Variants in GABRB3 observed in about 807,000 individuals in gnomAD.
GABRB3 encodes the protein gamma-aminobutyric acid type A receptor subunit beta3.
Under a neutral mutation model 52.1 loss-of-function variants are expected in GABRB3, and 14 were observed. The ratio of observed to expected loss-of-function variants is 0.27; its 90% CI spans 0.18 to 0.42. The LOEUF is 0.42. Ranked by LOEUF, GABRB3 falls within the 10% of genes least tolerant of loss-of-function variation. The pLI, the probability that GABRB3 is intolerant of heterozygous loss-of-function variation, is 1.00. For missense variants in GABRB3, 307 were observed against 609.1 expected, an observed-to-expected ratio of 0.50 and a Z score of 5.22; for synonymous variants, 260 against 232.3, an observed-to-expected ratio of 1.12 and a Z score of -1.08.
At chr15:26,555,974 T>TA (rs1486474465) in intron 8 of GABRB3, among the ~76,000 whole-genome samples, 2 of 152,298 alleles carry the variant, frequency 1.3e-5, no homozygotes, top group East Asian at 3.9e-4. Flanking sequence ...CCAAATAACT[T>TA]AAACAGATAT....
intron 3 of GABRB3, among the ~76,000 whole-genome samples, chr15:26,681,895 A>G (rs1052017180): frequency 3.9e-5 from 6 of 152,060 alleles, no homozygotes; most frequent in African/African-American, 1.2e-4. Flanking sequence ...TCACTTGAGG[A>G]TGCAGTGAGC....
chr15:26,596,268 C>T (rs73368330), intron 4 of GABRB3, among the ~76,000 whole-genome samples: 4,051 of 151,938 alleles, frequency 0.027, 200 homozygotes, highest in African/African-American at 0.091. Flanking sequence ...TTTCTTGATA[C>T]GAACAAACAG....
At chr15:26,578,742 G>A (rs574298688) in intron 6 of GABRB3, among the ~76,000 whole-genome samples, 39 of 152,384 alleles carry the variant, frequency 2.6e-4, no homozygotes, top group Middle Eastern at 3.4e-3. Context: ...TTACTCCACA[G>A]TGAGTGTGCT....
intron 7 of GABRB3, among the ~76,000 whole-genome samples, chr15:26,566,464 G>A (rs989589751): frequency 2.8e-4 from 43 of 152,258 alleles, no homozygotes; most frequent in African/African-American, 7.7e-4. Context: ...GGTGGCTCAC[G>A]CATATACTCC....
chr15:26,654,666 TAAGAG>T (rs1887310404), intron 3 of GABRB3, among the ~76,000 whole-genome samples: 1 of 152,052 alleles, frequency 6.6e-6, no homozygotes, highest in Non-Finnish European at 1.5e-5. Context: ...TAGGCTGACT[TAAGAG>T]AAGCATGTGA....
At chr15:26,726,403 A>G (rs997409582) in intron 3 of GABRB3, among the ~76,000 whole-genome samples, 1 of 152,308 alleles carries the variant, frequency 6.6e-6, no homozygotes, top group East Asian at 1.9e-4. Context: ...TAACTAATTC[A>G]CAAGTCTTAT....
intron 4 of GABRB3, among the ~76,000 whole-genome samples, chr15:26,588,699 C>T (rs1891084441): frequency 6.6e-6 from 1 of 152,074 alleles, no homozygotes; most frequent in Non-Finnish European, 1.5e-5. Context: ...ATATTATAGG[C>T]ATATATATAC....
At chr15:26,767,774 C>T (rs752713373) in intron 3 of GABRB3, among the ~76,000 whole-genome samples, 3 of 152,172 alleles carry the variant, frequency 2.0e-5, no homozygotes, top group Non-Finnish European at 4.4e-5. Context: ...TAAATTTAGT[C>T]AAAAGATGTC....
chr15:26,729,244 CTG>C, intron 3 of GABRB3, among the ~76,000 whole-genome samples: 1 of 152,206 alleles, frequency 6.6e-6, no homozygotes, highest in East Asian at 1.9e-4. Context: ...CTGGAGAACA[CTG>C]AGCAACACTG....
intron 3 of GABRB3, among the ~76,000 whole-genome samples, chr15:26,660,232 A>G (rs1184293068): frequency 1.5e-5 from 2 of 134,406 alleles, no homozygotes; most frequent in Admixed American, 1.4e-4. Flanking sequence ...TCCATCTCGG[A>G]AAAAAAAAAA....
At chr15:26,643,237 C>T (rs1375925321) in intron 3 of GABRB3, among the ~76,000 whole-genome samples, 1 of 152,248 alleles carries the variant, frequency 6.6e-6, no homozygotes, top group African/African-American at 2.4e-5. Flanking sequence ...GTCTCCTGCA[C>T]TGCCCCGTGC....
At chr15:26,605,082 A>T (rs571928672) in intron 4 of GABRB3, among the ~76,000 whole-genome samples, 1 of 152,192 alleles carries the variant, frequency 6.6e-6, no homozygotes, top group East Asian at 1.9e-4. Context: ...ACAAAGTGTC[A>T]TTAATTAAAA....
chr15:26,699,234 T>C (rs1009492451), intron 3 of GABRB3, among the ~76,000 whole-genome samples: 2 of 152,176 alleles, frequency 1.3e-5, no homozygotes, highest in African/African-American at 4.8e-5. Flanking sequence ...CTTGCCTCAG[T>C]AATAGTAATG....
chr15:26,647,238 A>G (rs929631954), intron 3 of GABRB3, among the ~76,000 whole-genome samples: 1 of 152,240 alleles, frequency 6.6e-6, no homozygotes, highest in Non-Finnish European at 1.5e-5. Context: ...AGTTATTTAC[A>G]TAGTCTGAAT....
chr15:26,652,516 C>T (rs1358664832), intron 3 of GABRB3, among the ~76,000 whole-genome samples: 1 of 152,044 alleles, frequency 6.6e-6, no homozygotes, highest in East Asian at 1.9e-4. Context: ...CTGCATGATG[C>T]AATAGAAACA....
chr15:26,566,681 G>C (rs375503547), intron 7 of GABRB3, among the ~76,000 whole-genome samples: 194 of 152,112 alleles, frequency 1.3e-3, no homozygotes, highest in Non-Finnish European at 2.4e-3. Context: ...AGCCGTAATC[G>C]CAATTATGCC....
At chr15:26,773,610 G>T, upstream of GABRB3, 3 of 1,525,304 alleles carry the variant, frequency 2.0e-6, no homozygotes, top group Non-Finnish European at 2.7e-6. Flanking sequence ...GCCTCCCGAC[G>T]GTGCCTGCAG....
chr15:26,742,471 T>C (rs1051217844), intron 3 of GABRB3, among the ~76,000 whole-genome samples: 1 of 152,142 alleles, frequency 6.6e-6, no homozygotes, highest in African/African-American at 2.4e-5. Flanking sequence ...TCCCAAGTCC[T>C]TTTAAAATGC....
intron 3 of GABRB3, among the ~76,000 whole-genome samples, chr15:26,625,991 A>G (rs1892677345): frequency 6.6e-6 from 1 of 152,178 alleles, no homozygotes; most frequent in Non-Finnish European, 1.5e-5. Flanking sequence ...CTGCATTTTT[A>G]ACAATTTGAA....
Sources: allele counts gnomAD v4.1 joint callset (sites outside exome capture counted in the v4.1 genomes callset), GRCh38; gene constraint gnomAD v4.1.1; transcripts MANE v1.5; gene names NCBI Gene and HGNC (gene_info 2026-07-23, HGNC 2026-07-21).